The following SMAD2 variants were observed in gnomAD, a reference collection of about 807,000 sequenced individuals.
SMAD2 encodes the protein MAD homolog 2.
Under a neutral mutation model 64.4 loss-of-function variants are expected in SMAD2, and 8 were observed. That is an observed-to-expected ratio of 0.12 (90% CI 0.07 to 0.22). The LOEUF (loss-of-function observed/expected upper bound fraction) is 0.22, where lower values mean the gene tolerates loss of function less well. Ranked by LOEUF, SMAD2 falls within the 10% of genes least tolerant of loss-of-function variation. The pLI is 1.00. For synonymous variants in SMAD2, 203 were observed against 195.8 expected (o/e 1.04, Z -0.31); for missense variants, 289 against 561.2 (o/e 0.51, Z 4.90).
At chr18:47,845,099 T>C (rs746834714) in intron 10 of SMAD2, 7 of 612,724 alleles carry the variant, frequency 1.1e-5, no homozygotes, top group African/African-American at 5.5e-5. Flanking sequence ...CCTTTTATGA[T>C]ATTTAACACT....
chr18:47,825,511 AAGC>A lies in SMAD2; in HGVS notation c.*16313_*16315del, dbSNP rs1912720833. ...CTCTGACCTTCTCCATCAAGCTATGAAGCAGCAGCAAAGCCCTTGCCAAAAGCC... is the reference window on the plus strand; with the variant it reads ...CTCTGACCTTCTCCATCAAGCTATGAAGCAGCAAAGCCCTTGCCAAAAGCC... On this transcript the variant is annotated 3_prime_UTR_variant, in exon 11 of 11. Coordinates refer to ENST00000262160, the MANE Select transcript of SMAD2 (RefSeq NM_005901.6). The A allele has an allele frequency of 1.3e-5, 2 of 152,626 alleles. No homozygotes were observed. The highest frequency in any genetic ancestry group is 4.1e-4 in the South Asian group (2 of 4,832). The allele number at this position is 152,626 out of a possible 1,614,324, so 9.5% of individuals were successfully genotyped here. A position where few individuals can be genotyped will look rare whatever the true frequency, so the allele number is the denominator to read the frequency against.
chr18:47,897,971 C>T (rs1054390109), intron 1 of SMAD2, among the ~76,000 whole-genome samples: 1 of 152,178 alleles, frequency 6.6e-6, no homozygotes, highest in African/African-American at 2.4e-5. Context: ...TTACATCACA[C>T]ACCCCAAATA....
chr18:47,850,452 T>A lies in SMAD2; in HGVS notation c.784+822A>T, dbSNP rs1365272422. ...TATATATATTATGTATAATATATAT[T>A]ATATATTATACATAATATATATTAT... On this transcript the variant is annotated intron_variant, in intron 7 of 10. Coordinates refer to ENST00000262160, the MANE Select transcript of SMAD2 (RefSeq NM_005901.6). 2.6e-3 allele frequency among the ~76,000 whole-genome samples: 58 copies of A among 21,952 alleles called. 8 individuals carry two copies. Among genetic ancestry groups the A allele is most frequent in the Admixed American group, 5.7e-3 (5 of 878 alleles). 14.4% of individuals were successfully genotyped at this position (21,952 alleles called of 152,430 possible).
chr18:47,824,909 A>G lies in SMAD2; in HGVS notation c.*16918T>C, dbSNP rs1301947312. 6.6e-6 allele frequency: 1 copy of G among 152,196 alleles called. No homozygotes were observed. Among genetic ancestry groups the G allele is most frequent in the Non-Finnish European group, 1.5e-5 (1 of 68,040 alleles). 9.4% of individuals were successfully genotyped at this position (152,196 alleles called of 1,614,324 possible). A position where few individuals can be genotyped will look rare whatever the true frequency, so the allele number is the denominator to read the frequency against. On this transcript the variant is annotated 3_prime_UTR_variant, in exon 11 of 11. Coordinates refer to ENST00000262160, the MANE Select transcript of SMAD2 (RefSeq NM_005901.6). The stretch of plus-strand genomic sequence containing the variant: ...CATTTTAGATTTTCCTTATGATTTT[A>G]GTAGCTTTCTCTAATGGAATGTGCT...
intron 6 of SMAD2, among the ~76,000 whole-genome samples, chr18:47,858,139 A>T (rs191434671): frequency 1.9e-3 from 289 of 152,178 alleles, no homozygotes; most frequent in Non-Finnish European, 3.1e-3. Context: ...AAAACAAGAG[A>T]TATTCAAAGA....
chr18:47,814,267 A>G lies in SMAD2; in HGVS notation c.*27560T>C, dbSNP rs536293752. On this transcript the variant is annotated 3_prime_UTR_variant, in exon 11 of 11. Coordinates refer to ENST00000262160, the MANE Select transcript of SMAD2 (RefSeq NM_005901.6). ...AGGGTGTGTACTAGAGTAACAGCAC[A>G]GTTGCTACTCAGCTGTGAATCTCAG... The G allele has an allele frequency of 7.2e-5, 11 of 152,172 alleles. No homozygotes were observed. The highest frequency in any genetic ancestry group is 1.5e-4 in the Non-Finnish European group (10 of 68,040). The allele number at this position is 152,172 out of a possible 1,614,324, so 9.4% of individuals were successfully genotyped here. A position where few individuals can be genotyped will look rare whatever the true frequency, so the allele number is the denominator to read the frequency against.
chr18:47,881,173 T>C (rs933406785), intron 2 of SMAD2, among the ~76,000 whole-genome samples: 1 of 152,240 alleles, frequency 6.6e-6, no homozygotes, highest in African/African-American at 2.4e-5. Flanking sequence ...TACTTCATGT[T>C]ATTTTTAGAA....
chr18:47,922,296 C>T (rs1422164188), intron 1 of SMAD2, among the ~76,000 whole-genome samples: 1 of 152,110 alleles, frequency 6.6e-6, no homozygotes. Flanking sequence ...TCTAAGGTCC[C>T]ACTAGAAATA....
intron 1 of SMAD2, 135 bp downstream of exon 1, chr18:47,930,226 G>T: frequency 6.6e-6 from 1 of 151,954 alleles, no homozygotes; most frequent in Non-Finnish European, 1.5e-5. Flanking sequence ...CGCCCGGGCC[G>T]GCGCACCCAC....
chr18:47,881,107 C>T (rs1183967621), intron 2 of SMAD2, among the ~76,000 whole-genome samples: 1 of 152,128 alleles, frequency 6.6e-6, no homozygotes, highest in Non-Finnish European at 1.5e-5. Context: ...TACGCCATTT[C>T]CTTCTTCCGA....
intron 2 of SMAD2, among the ~76,000 whole-genome samples, chr18:47,883,046 C>T (rs1174923359): frequency 1.3e-5 from 2 of 152,158 alleles, no homozygotes; most frequent in Admixed American, 6.6e-5. Context: ...CCAAAGAACT[C>T]GCTTTTGGCT....
chr18:47,892,105 A>G (rs1246172962), intron 2 of SMAD2, among the ~76,000 whole-genome samples: 1 of 152,190 alleles, frequency 6.6e-6, no homozygotes, highest in African/African-American at 2.4e-5. Flanking sequence ...TGATGATCAT[A>G]AAGTGCTTCT....
intron 4 of SMAD2, among the ~76,000 whole-genome samples, 165 bp downstream of exon 4, chr18:47,869,078 A>T (rs1299583896): frequency 1.3e-5 from 2 of 152,192 alleles, no homozygotes; most frequent in East Asian, 3.8e-4. Flanking sequence ...CTCATTAAAA[A>T]TTTTTAAAAA....
intron 1 of SMAD2, chr18:47,912,101 G>A (rs907872718): frequency 1.3e-5 from 2 of 152,146 alleles, no homozygotes; most frequent in East Asian, 1.9e-4. Flanking sequence ...TAGTACAGCA[G>A]GCAGAAAGTT....
rs1198291560 is a variant in SMAD2 at position 47,837,406 on chromosome 18, C to T, written c.*4421G>A. ...TGAAACCCCGTCTCTACTAAAAATA[C>T]AAAAAATTAGCCGAGTGTGGTGGTG... On this transcript the variant is annotated 3_prime_UTR_variant, in exon 11 of 11. Transcript: ENST00000262160. The T allele has an allele frequency of 5.1e-6, 1 of 194,198 alleles. No homozygotes were observed. Among genetic ancestry groups the T allele is most frequent in the East Asian group, 8.1e-5 (1 of 12,290 alleles). The allele number at this position is 194,198 out of a possible 1,614,324, so 12.0% of individuals were successfully genotyped here. A position where few individuals can be genotyped will look rare whatever the true frequency, so the allele number is the denominator to read the frequency against.
rs1287329973 is a variant in SMAD2 at position 47,819,702 on chromosome 18, AG to A, written c.*22124del. 1.3e-5 allele frequency: 2 copies of A among 150,804 alleles called. No homozygotes were observed. The highest frequency in any genetic ancestry group is 2.9e-5 in the Non-Finnish European group (2 of 67,872). 9.3% of individuals were successfully genotyped at this position (150,804 alleles called of 1,614,324 possible). A position where few individuals can be genotyped will look rare whatever the true frequency, so the allele number is the denominator to read the frequency against. Reference sequence around the variant, plus strand: ...TCCCAGCTACTCGGGAGGCTGAGGCAGGAGAATGGCATGAACCCAGAAGGCG... The same window carrying A: ...TCCCAGCTACTCGGGAGGCTGAGGCAGAGAATGGCATGAACCCAGAAGGCG... On this transcript the variant is annotated 3_prime_UTR_variant, in exon 11 of 11. Transcript: ENST00000262160.
At chr18:47,856,013 A>G (rs1303480577) in intron 6 of SMAD2, among the ~76,000 whole-genome samples, 1 of 152,120 alleles carries the variant, frequency 6.6e-6, no homozygotes, top group Admixed American at 6.5e-5. Context: ...GGTTATACAC[A>G]CAATTGAATG....
chr18:47,901,888 G>T (rs1356326928), intron 1 of SMAD2, among the ~76,000 whole-genome samples: 1 of 152,156 alleles, frequency 6.6e-6, no homozygotes, highest in South Asian at 2.1e-4. Context: ...TTTGGCAAAT[G>T]TCTACGGGGG....
chr18:47,847,860 G>A (rs913068133), intron 8 of SMAD2, among the ~76,000 whole-genome samples: 1 of 152,116 alleles, frequency 6.6e-6, no homozygotes, highest in African/African-American at 2.4e-5. Flanking sequence ...GAGTATGAGA[G>A]TAGAAATGGC....
Sources: allele counts gnomAD v4.1 joint callset (sites outside exome capture counted in the v4.1 genomes callset), GRCh38; gene constraint gnomAD v4.1.1; transcripts MANE v1.5; gene names NCBI Gene and HGNC (gene_info 2026-07-23, HGNC 2026-07-21).